The following EXOC4 variants were observed in gnomAD, a reference collection of about 807,000 sequenced individuals.
The protein encoded by EXOC4 is SEC8-like 1.
Under a neutral mutation model 107.2 loss-of-function variants are expected in EXOC4, and 71 were observed. The observed-to-expected ratio is 0.66, with a 90% CI of 0.55 to 0.81. The LOEUF (loss-of-function observed/expected upper bound fraction) is 0.81. Among genes scored for constraint, EXOC4 ranks in the 30% least tolerant of loss-of-function variants. The pLI, the probability that EXOC4 is intolerant of heterozygous loss-of-function variation, is 0.00. For missense variants in EXOC4, 1,108 were observed against 1,189.6 expected (o/e 0.93, Z 1.01); for synonymous variants, 456 against 441.2 (o/e 1.03, Z -0.42).
rs74500657 is a variant in EXOC4, at chr7:133,289,705, G to A, written c.471+589G>A. On this transcript the variant is annotated intron_variant, in intron 3 of 17. Transcript: ENST00000253861. ...CAATTGGTGGTTCATGTGGCTGAGCGTCAAGAAGATGAATAAAAAGTAGAA... is the reference window on the plus strand; with the variant it reads ...CAATTGGTGGTTCATGTGGCTGAGCATCAAGAAGATGAATAAAAAGTAGAA... Among the ~76,000 whole-genome samples the A allele has an allele frequency of 9.8e-5, 15 of 152,290 alleles. No homozygotes were observed. The East Asian group carries it at 1.2e-3, about 12-fold the overall frequency.
intron 5 of EXOC4, among the ~76,000 whole-genome samples, chr7:133,352,531 C>A (rs925016876): frequency 6.6e-6 from 1 of 151,696 alleles, no homozygotes; most frequent in African/African-American, 2.4e-5. Flanking sequence ...CTATTTGTGC[C>A]TTTGAATCGA....
At chr7:134,041,891 C>T (rs955402962) in intron 17 of EXOC4, among the ~76,000 whole-genome samples, 1 of 152,192 alleles carries the variant, frequency 6.6e-6, no homozygotes, top group Non-Finnish European at 1.5e-5. Flanking sequence ...ACAACAGTTA[C>T]AATCTTTATT....
At chr7:134,042,656 A>G (rs896244278) in intron 17 of EXOC4, among the ~76,000 whole-genome samples, 1 of 152,246 alleles carries the variant, frequency 6.6e-6, no homozygotes, top group African/African-American at 2.4e-5. Context: ...GATTTAAGTC[A>G]GAGCCCTGCT....
intron 5 of EXOC4, among the ~76,000 whole-genome samples, chr7:133,329,341 A>G (rs1419297007): frequency 6.6e-6 from 1 of 152,082 alleles, no homozygotes; most frequent in Non-Finnish European, 1.5e-5. Flanking sequence ...CAAGGCTTTT[A>G]GCTTCCTTGT....
At chr7:133,780,111 C>T (rs973641315) in intron 10 of EXOC4, among the ~76,000 whole-genome samples, 1 of 152,004 alleles carries the variant, frequency 6.6e-6, no homozygotes, top group African/African-American at 2.4e-5. Flanking sequence ...AGGGATTTTG[C>T]TTGACAAGTC....
chr7:133,709,638 C>A, intron 10 of EXOC4, among the ~76,000 whole-genome samples: 1 of 118,122 alleles, frequency 8.5e-6, no homozygotes, highest in Admixed American at 1.1e-4. Context: ...CTATCATAAT[C>A]TGTTTTCTTT....
At chr7:133,904,804 C>T (rs773786635) in intron 12 of EXOC4, among the ~76,000 whole-genome samples, 9 of 152,150 alleles carry the variant, frequency 5.9e-5, no homozygotes, top group Non-Finnish European at 8.8e-5. Flanking sequence ...GGTTAATCAG[C>T]GTATTCAGGT....
rs553117101 is a variant in EXOC4 at position 133,822,666 on chromosome 7, G to C, written c.1734+5122G>C. On this transcript the variant is annotated intron_variant, in intron 11 of 17. Transcript: ENST00000253861. Reference sequence around the variant, plus strand: ...CAAAAGCAAGTGTGGCCCATGGACCGGGAGCATCAGTGTGGCCTGGGAGCT... The same window carrying C: ...CAAAAGCAAGTGTGGCCCATGGACCCGGAGCATCAGTGTGGCCTGGGAGCT... Among the ~76,000 whole-genome samples, 49 of 152,260 alleles carry C rather than the reference G, an allele frequency of 3.2e-4. No individual in the cohort carries two copies. In the Middle Eastern group the frequency reaches 0.017, roughly 53 times the overall value.
chr7:133,916,689 G>A (rs1799815413), intron 12 of EXOC4, among the ~76,000 whole-genome samples: 1 of 152,124 alleles, frequency 6.6e-6, no homozygotes, highest in African/African-American at 2.4e-5. Flanking sequence ...AGTGACCCCT[G>A]TACTAAAAGA....
intron 14 of EXOC4, among the ~76,000 whole-genome samples, chr7:133,996,631 G>A (rs922949808): frequency 2.6e-5 from 4 of 151,274 alleles, no homozygotes; most frequent in Admixed American, 6.6e-5. Flanking sequence ...GAGTTGAAGT[G>A]GAATACAGCA....
At chr7:133,329,313 A>T (rs1159109952) in intron 5 of EXOC4, among the ~76,000 whole-genome samples, 2 of 152,144 alleles carry the variant, frequency 1.3e-5, no homozygotes, top group Non-Finnish European at 2.9e-5. Flanking sequence ...CTAGTTAGCC[A>T]TTTGTCTAAC....
intron 17 of EXOC4, among the ~76,000 whole-genome samples, chr7:134,018,276 A>G (rs1384726223): frequency 6.6e-6 from 1 of 152,218 alleles, no homozygotes; most frequent in Non-Finnish European, 1.5e-5. Context: ...TGTTTTCTAA[A>G]TAAAGATGTA....
At chr7:133,955,171 T>A (rs1225484895) in intron 14 of EXOC4, among the ~76,000 whole-genome samples, 1 of 152,252 alleles carries the variant, frequency 6.6e-6, no homozygotes, top group Non-Finnish European at 1.5e-5. Flanking sequence ...CCTGATTTCT[T>A]GTCCTGCATC....
chr7:133,806,154 A>G (rs1286508359), intron 10 of EXOC4, among the ~76,000 whole-genome samples: 1 of 152,268 alleles, frequency 6.6e-6, no homozygotes, highest in Non-Finnish European at 1.5e-5. Flanking sequence ...GTGAAGGGGT[A>G]AACAAGTAGA....
At chr7:133,862,158 C>CTTT (rs1231355625) in intron 11 of EXOC4, among the ~76,000 whole-genome samples, 2 of 140,302 alleles carry the variant, frequency 1.4e-5, no homozygotes, top group African/African-American at 5.2e-5. Context: ...AGTTTTCTTT[C>CTTT]TTTTTTTTTT....
intron 12 of EXOC4, among the ~76,000 whole-genome samples, chr7:133,911,613 A>AG (rs1287963499): frequency 8.5e-5 from 13 of 152,208 alleles, no homozygotes; most frequent in Non-Finnish European, 1.5e-4. Flanking sequence ...AAAATATGTA[A>AG]GTAAATAATG....
At chr7:133,680,658 AT>A (rs1794167002) in intron 10 of EXOC4, among the ~76,000 whole-genome samples, 1 of 152,218 alleles carries the variant, frequency 6.6e-6, no homozygotes. Flanking sequence ...TCAAAGAATA[AT>A]TTCGCTAGGA....
intron 9 of EXOC4, among the ~76,000 whole-genome samples, chr7:133,597,979 C>A (rs910916219): frequency 3.3e-5 from 5 of 151,130 alleles, no homozygotes; most frequent in Admixed American, 3.3e-4. Context: ...GAGATGGCGC[C>A]ATTACTCCAG....
intron 11 of EXOC4, among the ~76,000 whole-genome samples, chr7:133,855,189 T>C (rs1175519777): frequency 4.4e-5 from 6 of 137,298 alleles, no homozygotes; most frequent in Non-Finnish European, 9.3e-5. Flanking sequence ...CAAAGAGAAG[T>C]GGACAGTTGT....
Sources: gnomAD v4.1 joint callset for allele counts (sites outside exome capture counted in the v4.1 genomes callset) on GRCh38, gnomAD v4.1.1 for gene constraint, MANE v1.5 for transcripts, NCBI Gene and HGNC (gene_info 2026-07-23, HGNC 2026-07-21) for gene names.